Variants in MKLN1 observed in about 807,000 individuals in gnomAD.
The protein encoded by MKLN1 is muskelin 1.
Under a neutral mutation model 99.0 loss-of-function variants are expected in MKLN1, and 18 were observed. That is an observed-to-expected ratio of 0.18 (90% CI 0.13 to 0.27). MKLN1 has a LOEUF of 0.27. Among genes scored for constraint, MKLN1 ranks in the 10% least tolerant of loss-of-function variants. MKLN1 has a pLI of 1.00. For synonymous variants in MKLN1, 288 were observed against 293.2 expected, an observed-to-expected ratio of 0.98 and a Z score of 0.18; for missense variants, 621 against 875.9, an observed-to-expected ratio of 0.71 and a Z score of 3.67.
intron 17 of MKLN1, among the ~76,000 whole-genome samples, chr7:131,485,090 G>GT (rs1391537636): frequency 1.9e-4 from 29 of 152,124 alleles, no homozygotes; most frequent in Admixed American, 3.9e-4. Flanking sequence ...CTAAAAGAAA[G>GT]TAGGACTCCA....
intron 1 of MKLN1, among the ~76,000 whole-genome samples, chr7:131,126,241 G>A (rs1052926692): frequency 2.0e-5 from 3 of 152,026 alleles, no homozygotes; most frequent in African/African-American, 4.8e-5. Context: ...TGCCAGAAGG[G>A]CTAATGACCA....
intron 12 of MKLN1, among the ~76,000 whole-genome samples, chr7:131,458,696 TAAA>T (rs1796420835): frequency 6.6e-6 from 1 of 152,046 alleles, no homozygotes; most frequent in African/African-American, 2.4e-5. Flanking sequence ...AATATCTCCT[TAAA>T]GAAGTTTATA....
At chr7:131,388,797 T>G (rs922932396) in intron 3 of MKLN1, 87 bp from the exon 4 acceptor site, 37 of 826,132 alleles carry the variant, frequency 4.5e-5, no homozygotes, top group Non-Finnish European at 6.5e-5. Flanking sequence ...GAGTTTAAAC[T>G]TAAAACCTGA....
intron 1 of MKLN1, among the ~76,000 whole-genome samples, chr7:131,126,813 C>G (rs1795468358): frequency 6.6e-6 from 1 of 152,172 alleles, no homozygotes; most frequent in Non-Finnish European, 1.5e-5. Context: ...CTTGGCCTCC[C>G]AAAGTGCTGG....
Position 131,479,549 on chromosome 7 carries a change from G to A in MKLN1, c.2086+872G>A, listed in dbSNP as rs182323511. 1.3e-3 allele frequency among the ~76,000 whole-genome samples: 194 copies of A among 149,940 alleles called. 1 individual carries two copies. Among genetic ancestry groups the A allele is most frequent in the African/African-American group, 4.3e-3 (176 of 40,718 alleles). ...TGTCTTTAAAAATAAAAAATAGGCC[G>A]GGCGTGGTGGCTCATGCCTGTAATC... On this transcript the variant is annotated intron_variant, in intron 17 of 17. Transcript: ENST00000352689.
chr7:131,154,236 G>C (rs1795932115), intron 2 of MKLN1, among the ~76,000 whole-genome samples: 1 of 151,872 alleles, frequency 6.6e-6, no homozygotes, highest in Admixed American at 6.6e-5. Context: ...GAGGGGATAG[G>C]GATAGAAACT....
At chr7:131,180,020 G>A (rs918814921) in intron 2 of MKLN1, among the ~76,000 whole-genome samples, 1 of 152,154 alleles carries the variant, frequency 6.6e-6, no homozygotes, top group African/African-American at 2.4e-5. Flanking sequence ...ACCTCTTGAA[G>A]TGTTAGGATT....
chr7:131,144,862 A>C, intron 2 of MKLN1, among the ~76,000 whole-genome samples: 1 of 152,128 alleles, frequency 6.6e-6, no homozygotes, highest in South Asian at 2.1e-4. Context: ...CTGTAATCCC[A>C]GCTACTCAGG....
At chr7:131,342,089 A>T (rs551895432) in intron 1 of MKLN1, among the ~76,000 whole-genome samples, 12 of 152,212 alleles carry the variant, frequency 7.9e-5, no homozygotes, top group African/African-American at 2.9e-4. Flanking sequence ...TATGTCCAGC[A>T]GTGGAATTTC....
At chr7:131,195,108 T>A (rs1284063919) in intron 2 of MKLN1, among the ~76,000 whole-genome samples, 1 of 152,184 alleles carries the variant, frequency 6.6e-6, no homozygotes, top group South Asian at 2.1e-4. Flanking sequence ...AGGAATTACC[T>A]ACAAACCTGG....
At chr7:131,184,854 C>T (rs190311733) in intron 2 of MKLN1, among the ~76,000 whole-genome samples, 2 of 152,196 alleles carry the variant, frequency 1.3e-5, no homozygotes, top group Admixed American at 6.5e-5. Context: ...ATGCACACAC[C>T]CAGCCAGGTT....
rs746120730 is a variant in MKLN1 at position 131,493,679 on chromosome 7, C to G, written c.*5951C>G. Reference sequence around the variant, plus strand: ...AACCAGTTCCTTGTTAAGGATCCAGCAGGAAAACCAGCCATAAAACATTTC... The same window carrying G: ...AACCAGTTCCTTGTTAAGGATCCAGGAGGAAAACCAGCCATAAAACATTTC... On this transcript the variant is annotated 3_prime_UTR_variant, in exon 18 of 18. Transcript: ENST00000352689. 1.3e-5 allele frequency: 2 copies of G among 152,222 alleles called. No individual in the cohort carries two copies. The highest frequency in any genetic ancestry group is 4.8e-5 in the African/African-American group (2 of 41,438). 9.4% of individuals were successfully genotyped at this position (152,222 alleles called of 1,614,324 possible).
chr7:131,316,658 T>C (rs35526265), intron 3 of MKLN1, among the ~76,000 whole-genome samples: 77,114 of 151,842 alleles, frequency 0.51, 19,960 homozygotes, highest in Admixed American at 0.61. Flanking sequence ...ACAAACTCCT[T>C]TGAGCTAAAG....
rs912147881 is a variant in MKLN1 at position 131,311,062 on chromosome 7, T to C, written c.-178-64362T>C. 6 of 152,102 alleles carry C rather than the reference T, an allele frequency of 3.9e-5. No individual in the cohort carries two copies. The South Asian group carries it at 6.2e-4, about 16-fold the overall frequency. 9.4% of individuals were successfully genotyped at this position (152,102 alleles called of 1,614,324 possible). On this transcript the variant is annotated intron_variant, in intron 3 of 7. Transcript: ENST00000416992. Reference sequence around the variant, plus strand: ...TCAGTCTTCTGTCAGTTCAGTCACATGTAATTAATTCGTGTTCTGCTTGAT... The same window carrying C: ...TCAGTCTTCTGTCAGTTCAGTCACACGTAATTAATTCGTGTTCTGCTTGAT...
chr7:131,188,863 T>C (rs1296665351), intron 2 of MKLN1, among the ~76,000 whole-genome samples: 1 of 152,142 alleles, frequency 6.6e-6, no homozygotes, highest in Non-Finnish European at 1.5e-5. Flanking sequence ...GAACGAGTCA[T>C]CATACATCAG....
intron 3 of MKLN1, among the ~76,000 whole-genome samples, chr7:131,279,709 G>A (rs908797015): frequency 6.6e-6 from 1 of 152,168 alleles, no homozygotes; most frequent in South Asian, 2.1e-4. Flanking sequence ...GGGAGGTGGA[G>A]GTGGGAAGAT....
At chr7:131,314,990 G>A (rs557549822) in intron 3 of MKLN1, among the ~76,000 whole-genome samples, 7 of 151,912 alleles carry the variant, frequency 4.6e-5, no homozygotes, top group East Asian at 1.9e-4. Flanking sequence ...TGACCAGGCC[G>A]GACTCAAGCA....
chr7:131,275,534 GATATATATATATATAT>G (rs1166104066), intron 3 of MKLN1, among the ~76,000 whole-genome samples: 3 of 14,268 alleles, frequency 2.1e-4, no homozygotes, highest in African/African-American at 4.4e-4. Flanking sequence ...ACGCCCAGCT[GATATATATATATATAT>G]ATATATATAT....
chr7:131,328,144 G>A, intron 1 of MKLN1, 147 bp downstream of exon 1: 3 of 997,816 alleles, frequency 3.0e-6, no homozygotes, highest in Middle Eastern at 2.5e-4. Context: ...TAGTTCAGCT[G>A]CTGAGAGCGT....
Sources: gnomAD v4.1 joint callset for allele counts (sites outside exome capture counted in the v4.1 genomes callset) on GRCh38, gnomAD v4.1.1 for gene constraint, MANE v1.5 for transcripts, NCBI Gene and HGNC (gene_info 2026-07-23, HGNC 2026-07-21) for gene names.